Variants in OR5A2 observed in about 807,000 individuals in gnomAD.
OR5A2 encodes the protein olfactory receptor family 5 subfamily A member 2.
For synonymous variants in OR5A2, 155 were observed against 151.1 expected, an observed-to-expected ratio of 1.03 and a Z score of -0.19; for missense variants, 406 against 398.9, an observed-to-expected ratio of 1.02 and a Z score of -0.15.
chr11:59,423,383 T>C (rs17153695), intron 1 of OR5A2: 2,417 of 158,422 alleles, frequency 0.015, 55 homozygotes, highest in African/African-American at 0.054. Context: ...TTAGACTTTC[T>C]GACTTGAAAA....
rs1858163959 is a variant in OR5A2, at chr11:59,417,044, T to A, written c.*4935A>T. ...CATACAATATCAAAGTGATACTTTA[T>A]GCATGCCAATTTTTCTATGCATGCT... is the stretch of plus-strand genomic sequence containing the variant. On this transcript the variant is annotated 3_prime_UTR_variant, in exon 2 of 2. Coordinates refer to ENST00000302040, the MANE Select transcript of OR5A2 (RefSeq NM_001001954.2). 6.6e-6 allele frequency: 1 copy of A among 152,126 alleles called. No homozygotes were observed. Among genetic ancestry groups the A allele is most frequent in the Non-Finnish European group, 1.5e-5 (1 of 67,994 alleles). 9.4% of individuals were successfully genotyped at this position (152,126 alleles called of 1,614,324 possible).
In OR5A2 at chr11:59,417,978, G is replaced by A. The variant is rs1858177026; in HGVS notation, c.*4001C>T. On this transcript the variant is annotated 3_prime_UTR_variant, in exon 2 of 2. Transcript: ENST00000302040. ...CCCGTGGTTTCACTACGCACTCTCT[G>A]TGTGTAAATTGTGTCACAGAAGCAT... 6.6e-6 allele frequency: 1 copy of A among 152,068 alleles called. No individual in the cohort carries two copies. Among genetic ancestry groups the A allele is most frequent in the Non-Finnish European group, 1.5e-5 (1 of 68,006 alleles). The allele number at this position is 152,068 out of a possible 1,614,324, so 9.4% of individuals were successfully genotyped here. A position where few individuals can be genotyped will look rare whatever the true frequency, so the allele number is the denominator to read the frequency against.
rs769067278 is a variant in OR5A2, at chr11:59,422,123, T to A, written c.831A>T (p.Ile277=). ...YSLNRDKVVS[I]FYALVIPVVN... ...CCACGGGGATCACCAAGGCATAGAATATGGACACCACCTTGTCCCTGTTTA... is the reference window on the plus strand; with the variant it reads ...CCACGGGGATCACCAAGGCATAGAAAATGGACACCACCTTGTCCCTGTTTA... The change falls in exon 2 of 2, where the codon ATA becomes ATT. Residue 277 remains isoleucine, a synonymous_variant. Transcript: ENST00000302040. The A allele has an allele frequency of 1.9e-6, 3 of 1,613,974 alleles. No individual in the cohort carries two copies. In the African/African-American group the frequency reaches 4.0e-5, roughly 22 times the overall value.
At chr11:59,423,156 C>T in intron 1 of OR5A2, 112 bp from the exon 2 acceptor site, 1 of 552,048 alleles carries the variant, frequency 1.8e-6, no homozygotes, top group East Asian at 2.9e-5. Context: ...AATCCATATG[C>T]TCTATGCTTG....
intron 1 of OR5A2, chr11:59,424,910 G>A (rs955455601): frequency 6.6e-6 from 1 of 152,146 alleles, no homozygotes; most frequent in African/African-American, 2.4e-5. Flanking sequence ...CTATCAAAAA[G>A]GAAGTAAGAG....
In OR5A2 at chr11:59,422,411, G is replaced by A. The variant is rs2134523030; in HGVS notation, c.543C>T (p.Asp181=). The change falls in exon 2 of 2, where the codon GAC becomes GAT. Residue 181 remains aspartate (D), a synonymous_variant. Coordinates refer to ENST00000302040, the MANE Select transcript of OR5A2 (RefSeq NM_001001954.2). ...AGGACAGAGCCAGGACTGGAGGGAG[G>A]TCACAGAAAAAGTGGTTGATCATAT... ...GPYMINHFFC[D]LPPVLALSCS... 6.2e-7 allele frequency: 1 copy of A among 1,614,146 alleles called. No individual in the cohort carries two copies.
chr11:59,417,451 G>A lies in OR5A2; in HGVS notation c.*4528C>T, dbSNP rs189952714. 6.6e-6 allele frequency: 1 copy of A among 152,312 alleles called. No homozygotes were observed. Among genetic ancestry groups the A allele is most frequent in the Admixed American group, 6.6e-5 (1 of 15,252 alleles). 9.4% of individuals were successfully genotyped at this position (152,312 alleles called of 1,614,324 possible). A position where few individuals can be genotyped will look rare whatever the true frequency, so the allele number is the denominator to read the frequency against. ...GAGAAACACAAGAAGAGAGAGGGTAGAATAAAGGCAGCAAAGGTCAATATA... is the reference window on the plus strand; with the variant it reads ...GAGAAACACAAGAAGAGAGAGGGTAAAATAAAGGCAGCAAAGGTCAATATA... On this transcript the variant is annotated 3_prime_UTR_variant, in exon 2 of 2. Transcript: ENST00000302040.
Position 59,422,816 on chromosome 11 carries a change from G to A in OR5A2, c.138C>T (p.Leu46=), listed in dbSNP as rs1858247201. The A allele has an allele frequency of 3.1e-6, 5 of 1,614,174 alleles. No individual in the cohort carries two copies. The highest frequency in any genetic ancestry group is 4.2e-6 in the Non-Finnish European group (5 of 1,180,022). Residue 46 remains leucine, a synonymous_variant, in exon 2 of 2, where the codon CTC becomes CTT. Transcript: ENST00000302040. Reference sequence around the variant, plus strand: ...GAGAGTCCATCTTAATGAGGGCAATGAGGCTTAAGTTCCAGGCCAACGTCA... The same window carrying A: ...GAGAGTCCATCTTAATGAGGGCAATAAGGCTTAAGTTCCAGGCCAACGTCA... The part of the protein sequence containing the change: ...YLLTLAWNLS[L]IALIKMDSHL...
rs1312268389 is a variant in OR5A2 at position 59,418,034 on chromosome 11, C to A, written c.*3945G>T. On this transcript the variant is annotated 3_prime_UTR_variant, in exon 2 of 2. Transcript: ENST00000302040. The stretch of plus-strand genomic sequence containing the variant: ...AGAAAAAAATATATATTTCTTAGAC[C>A]AAAAGTAGGAAAAGCTGTAAGTTCA... 1 of 151,846 alleles carries A rather than the reference C, an allele frequency of 6.6e-6. No homozygotes were observed. The highest frequency in any genetic ancestry group is 2.1e-4 in the South Asian group (1 of 4,810). The allele number at this position is 151,846 out of a possible 1,614,324, so 9.4% of individuals were successfully genotyped here.
In OR5A2 at chr11:59,417,502, G is replaced by A. The variant is rs533084930; in HGVS notation, c.*4477C>T. On this transcript the variant is annotated 3_prime_UTR_variant, in exon 2 of 2. Transcript: ENST00000302040. Reference sequence around the variant, plus strand: ...AACACCTGGCTTATCATCCCCAGGGGGTTTGAAAATGTTATAGACATGAGG... The same window carrying A: ...AACACCTGGCTTATCATCCCCAGGGAGTTTGAAAATGTTATAGACATGAGG... 6.6e-6 allele frequency: 1 copy of A among 152,182 alleles called. No individual in the cohort carries two copies. Among genetic ancestry groups the A allele is most frequent in the South Asian group, 2.1e-4 (1 of 4,822 alleles). 9.4% of individuals were successfully genotyped at this position (152,182 alleles called of 1,614,324 possible).
In OR5A2 at chr11:59,418,067, A is replaced by C. The variant is rs1380850307; in HGVS notation, c.*3912T>G. Reference sequence around the variant, plus strand: ...GGAAAAGCTGTAAGTTCATCAATCTATAAATATTGATTAGAAGGGAGGACA... The same window carrying C: ...GGAAAAGCTGTAAGTTCATCAATCTCTAAATATTGATTAGAAGGGAGGACA... On this transcript the variant is annotated 3_prime_UTR_variant, in exon 2 of 2. Coordinates refer to ENST00000302040, the MANE Select transcript of OR5A2 (RefSeq NM_001001954.2). 6.6e-6 allele frequency: 1 copy of C among 152,126 alleles called. No homozygotes were observed. The highest frequency in any genetic ancestry group is 1.5e-5 in the Non-Finnish European group (1 of 68,014). 9.4% of individuals were successfully genotyped at this position (152,126 alleles called of 1,614,324 possible).
Position 59,421,266 on chromosome 11 carries a change from T to A in OR5A2, c.*713A>T, listed in dbSNP as rs1391071714. 5 of 152,192 alleles carry A rather than the reference T, an allele frequency of 3.3e-5. No individual in the cohort carries two copies. The highest frequency in any genetic ancestry group is 7.3e-5 in the Non-Finnish European group (5 of 68,094). 9.4% of individuals were successfully genotyped at this position (152,192 alleles called of 1,614,324 possible). On this transcript the variant is annotated 3_prime_UTR_variant, in exon 2 of 2. Coordinates refer to ENST00000302040, the MANE Select transcript of OR5A2 (RefSeq NM_001001954.2). ...GGTGGGAGTGCTACACACTTTTAAA[T>A]GACCAGATCTCACAAGAACTCACTA...
Position 59,422,562 on chromosome 11 carries a change from A to C in OR5A2, c.392T>G (p.Leu131Trp). Residue 131 changes from leucine (L) to tryptophan (W), a missense_variant, in exon 2 of 2, where the codon TTG becomes TGG. By Grantham distance (61) the Leu-to-Trp change is moderately conservative. Coordinates refer to ENST00000302040, the MANE Select transcript of OR5A2 (RefSeq NM_001001954.2). The part of the protein sequence containing the change: ...YDRYAAICNP[L>W]LYTVLISHTL... The stretch of plus-strand genomic sequence containing the variant: ...ATGGGATATGAGGACTGTGTAAAGC[A>C]AGGGGTTGCAGATTGCAGCATACCG... The C allele has an allele frequency of 6.2e-7, 1 of 1,614,194 alleles. No homozygotes were observed. Among genetic ancestry groups the C allele is most frequent in the South Asian group, 1.1e-5 (1 of 91,082 alleles).
rs1447562699 is a variant in OR5A2, at chr11:59,420,330, T to A, written c.*1649A>T. 1 of 152,122 alleles carries A rather than the reference T, an allele frequency of 6.6e-6. No individual in the cohort carries two copies. Among genetic ancestry groups the A allele is most frequent in the African/African-American group, 2.4e-5 (1 of 41,432 alleles). 9.4% of individuals were successfully genotyped at this position (152,122 alleles called of 1,614,324 possible). A position where few individuals can be genotyped will look rare whatever the true frequency, so the allele number is the denominator to read the frequency against. ...CCCTCTTTGCAAAAGTCCCTCCATA[T>A]CCTCTTTCTAATGCAATAAAGCCAT... On this transcript the variant is annotated 3_prime_UTR_variant, in exon 2 of 2. Transcript: ENST00000302040.
Position 59,420,616 on chromosome 11 carries a change from C to G in OR5A2, c.*1363G>C, listed in dbSNP as rs1235455301. On this transcript the variant is annotated 3_prime_UTR_variant, in exon 2 of 2. Transcript: ENST00000302040. ...AGTCCAAGCAACTTGCCTAAAGACA[C>G]ACAGGCAGATATTATTTACTCACTT... The G allele has an allele frequency of 6.6e-6, 1 of 152,134 alleles. No homozygotes were observed. Among genetic ancestry groups the G allele is most frequent in the Non-Finnish European group, 1.5e-5 (1 of 68,026 alleles). The allele number at this position is 152,134 out of a possible 1,614,324, so 9.4% of individuals were successfully genotyped here.
chr11:59,422,513 AACC>A lies in OR5A2; in HGVS notation c.438_440del (p.Val147del), dbSNP rs767567983. 19 of 1,614,090 alleles carry A rather than the reference AACC, an allele frequency of 1.2e-5. No individual in the cohort carries two copies. The highest frequency in any genetic ancestry group is 1.6e-5 in the Non-Finnish European group (19 of 1,180,034). On this transcript the variant is annotated inframe_deletion, in exon 2 of 2. Coordinates refer to ENST00000302040, the MANE Select transcript of OR5A2 (RefSeq NM_001001954.2). Reference sequence around the variant, plus strand: ...TAAGGAATCCACCCACATAGGCGCCAACCACCATCTTTAAACAAAGTGTATGGG... The same window carrying A: ...TAAGGAATCCACCCACATAGGCGCCAACCATCTTTAAACAAAGTGTATGGG...
intron 1 of OR5A2, chr11:59,424,636 T>A (rs1423610412): frequency 6.6e-6 from 1 of 151,994 alleles, no homozygotes; most frequent in African/African-American, 2.4e-5. Flanking sequence ...GAAATACAAA[T>A]GCGTATAAAG....
rs1417803048 is a variant in OR5A2 at position 59,422,186 on chromosome 11, T to A, written c.768A>T (p.Gly256=). The A allele has an allele frequency of 1.2e-6, 2 of 1,613,932 alleles. No homozygotes were observed. The highest frequency in any genetic ancestry group is 1.7e-6 in the Non-Finnish European group (2 of 1,180,008). Residue 256 remains glycine, a synonymous_variant, in exon 2 of 2, where the codon GGA becomes GGT. Transcript: ENST00000302040. The part of the protein sequence containing the change: ...LTAVTLFYGS[G]FFMYMRPSSS... ...AACTGGGTCGCATGTACATGAAGAATCCAGAACCATAGAAGAGGGTCACAG... is the reference window on the plus strand; with the variant it reads ...AACTGGGTCGCATGTACATGAAGAAACCAGAACCATAGAAGAGGGTCACAG...
chr11:59,423,338 A>G (rs12787182), intron 1 of OR5A2: 42,989 of 173,630 alleles, frequency 0.25, 5,573 homozygotes, highest in Non-Finnish European at 0.29. Flanking sequence ...ATGAGTTTGA[A>G]GTGTCCCTTT....
Sources: gnomAD v4.1 joint callset for allele counts on GRCh38, gnomAD v4.1.1 for gene constraint, MANE v1.5 for transcripts, NCBI Gene and HGNC (gene_info 2026-07-23, HGNC 2026-07-21) for gene names.